Variants in ABCA12 observed in about 807,000 individuals in gnomAD.
ABCA12 encodes glucosylceramide transporter ABCA12.
Under a neutral mutation model 293.5 loss-of-function variants are expected in ABCA12, and 156 were observed. The ratio of observed to expected loss-of-function variants is 0.53; its 90% CI spans 0.47 to 0.61. ABCA12 has a LOEUF of 0.61. Among genes scored for constraint, ABCA12 ranks in the 20% least tolerant of loss-of-function variants. The pLI, the probability that ABCA12 is intolerant of heterozygous loss-of-function variation, is 0.00. For synonymous variants in ABCA12, 1,063 were observed against 1,108.0 expected, an observed-to-expected ratio of 0.96 and a Z score of 0.81; for missense variants, 2,797 against 3,090.2, an observed-to-expected ratio of 0.91 and a Z score of 2.25.
intron 2 of ABCA12, chr2:215,080,654 T>A (rs1438848961): frequency 6.5e-6 from 1 of 152,738 alleles, no homozygotes; most frequent in Non-Finnish European, 1.5e-5. Context: ...GAGAGAAAAA[T>A]CCCTTATTTG....
At chr2:215,029,019 T>A (rs1415963232) in intron 9 of ABCA12, 1 of 152,172 alleles carries the variant, frequency 6.6e-6, no homozygotes. Flanking sequence ...AATGAAACTA[T>A]GAGAATAATT....
At chr2:215,042,281 G>T (rs1188158534) in intron 7 of ABCA12, 6 of 152,188 alleles carry the variant, frequency 3.9e-5, no homozygotes, top group Admixed American at 3.9e-4. Context: ...CTGTCACCCA[G>T]GCCAGAGAGC....
intron 7 of ABCA12, among the ~76,000 whole-genome samples, chr2:215,042,691 G>A (rs150392326): frequency 4.6e-5 from 7 of 152,118 alleles, no homozygotes; most frequent in South Asian, 2.1e-4. Context: ...TTTATTATTT[G>A]TTTATCATGA....
At chr2:215,031,613 T>C (rs1700879308) in intron 9 of ABCA12, among the ~76,000 whole-genome samples, 1 of 152,222 alleles carries the variant, frequency 6.6e-6, no homozygotes, top group Admixed American at 6.5e-5. Flanking sequence ...AGAGATTTTC[T>C]TGTGCAATGC....
At chr2:214,950,690 A>T (rs887120539) in intron 45 of ABCA12, among the ~76,000 whole-genome samples, 189 bp downstream of exon 45, 3 of 151,870 alleles carry the variant, frequency 2.0e-5, no homozygotes, top group African/African-American at 4.8e-5. Flanking sequence ...TTTTCAGTAG[A>T]GACGTGGTTT....
chr2:214,950,895 C>G lies in ABCA12; in HGVS notation c.6836G>C (p.Gly2279Ala), dbSNP rs775106251. The G allele has an allele frequency of 7.8e-5, 126 of 1,613,898 alleles. No individual in the cohort carries two copies. Among genetic ancestry groups the G allele is most frequent in the Non-Finnish European group, 9.9e-5 (117 of 1,179,950 alleles). ...KIIAVNNISI[G>A]IPAGECFGLL... Reference sequence around the variant, plus strand: ...GTTTCTTACCTCTCCAGCAGGTATCCCAATGCTGATGTTGTTTACAGCTAT... The same window carrying G: ...GTTTCTTACCTCTCCAGCAGGTATCGCAATGCTGATGTTGTTTACAGCTAT... The change falls in exon 45 of 53, where the codon GGG becomes GCG. Residue 2279 changes from glycine (G) to alanine (A), a missense_variant. Coordinates refer to ENST00000272895, the MANE Select transcript of ABCA12 (RefSeq NM_173076.3).
Position 215,091,287 on chromosome 2 carries a change from A to T in ABCA12, c.163+20310T>A, listed in dbSNP as rs531933753. 3.3e-5 allele frequency among the ~76,000 whole-genome samples: 5 copies of T among 151,754 alleles called. No individual in the cohort carries two copies. The East Asian group carries it at 9.7e-4, about 29-fold the overall frequency. ...ATTCTTCCACAGCCTCTGCTCCCCAACCCTATAATCCTTCTATCACCTCCC... is the reference window on the plus strand; with the variant it reads ...ATTCTTCCACAGCCTCTGCTCCCCATCCCTATAATCCTTCTATCACCTCCC... On this transcript the variant is annotated intron_variant, in intron 2 of 52. Coordinates refer to ENST00000272895, the MANE Select transcript of ABCA12 (RefSeq NM_173076.3).
At chr2:215,128,055 G>A (rs1031895755) in intron 1 of ABCA12, among the ~76,000 whole-genome samples, 4 of 152,054 alleles carry the variant, frequency 2.6e-5, no homozygotes, top group African/African-American at 7.2e-5. Flanking sequence ...CATATATGAC[G>A]CTTTGTTTTG....
intron 40 of ABCA12, 70 bp from the exon 41 acceptor site, chr2:214,958,524 A>G (rs945638448): frequency 1.3e-6 from 2 of 1,522,852 alleles, no homozygotes; most frequent in East Asian, 2.4e-5. Context: ...AGAAAGATTC[A>G]TAACTAAAAC....
intron 51 of ABCA12, among the ~76,000 whole-genome samples, chr2:214,935,304 G>A (rs758309103): frequency 1.3e-5 from 2 of 152,102 alleles, no homozygotes; most frequent in African/African-American, 4.8e-5. Context: ...CACTGCATTT[G>A]CCTTGTATAG....
At chr2:214,974,110 T>C in intron 35 of ABCA12, 68 bp from the exon 36 acceptor site, 1 of 1,356,000 alleles carries the variant, frequency 7.4e-7, no homozygotes, top group South Asian at 1.2e-5. Flanking sequence ...CATATGAGCA[T>C]GTAAACAAGT....
intron 10 of ABCA12, among the ~76,000 whole-genome samples, chr2:215,026,252 T>C (rs1700742248): frequency 6.6e-6 from 1 of 152,182 alleles, no homozygotes; most frequent in Non-Finnish European, 1.5e-5. Context: ...AGAATGTGTG[T>C]GTCCTAGAAA....
intron 2 of ABCA12, among the ~76,000 whole-genome samples, chr2:215,076,871 T>TA (rs1701845201): frequency 1.3e-5 from 2 of 152,202 alleles, no homozygotes; most frequent in Admixed American, 1.3e-4. Context: ...AAAAGCTTAA[T>TA]ACAAAAGGAT....
At position 215,095,178 on chromosome 2, in the gene ABCA12, A is replaced by C. The variant is rs1293999208; in HGVS notation, c.163+16419T>G. 2.0e-5 allele frequency among the ~76,000 whole-genome samples: 3 copies of C among 152,192 alleles called. No homozygotes were observed. The South Asian group carries it at 6.2e-4, about 32-fold the overall frequency. On this transcript the variant is annotated intron_variant, in intron 2 of 52. Transcript: ENST00000272895. Reference sequence around the variant, plus strand: ...AAGGAAGACTCTACATTTTTAAATGAAGAGTGTTGTTTTTACCTAAATCAA... The same window carrying C: ...AAGGAAGACTCTACATTTTTAAATGCAGAGTGTTGTTTTTACCTAAATCAA...
intron 7 of ABCA12, among the ~76,000 whole-genome samples, chr2:215,041,045 T>A (rs1395791355): frequency 6.6e-6 from 1 of 152,102 alleles, no homozygotes; most frequent in African/African-American, 2.4e-5. Context: ...ACAAAAAATT[T>A]GTTAAGCTAG....
At chr2:215,138,052 C>T in intron 1 of ABCA12, 88 bp downstream of exon 1, 1 of 1,323,698 alleles carries the variant, frequency 7.6e-7, no homozygotes, top group African/African-American at 1.4e-5. Flanking sequence ...TTAAACTCTT[C>T]TGTTTTCACT....
At chr2:215,049,959 A>T (rs1392540217) in intron 5 of ABCA12, 148 bp from the exon 6 acceptor site, 1 of 708,762 alleles carries the variant, frequency 1.4e-6, no homozygotes, top group Admixed American at 2.4e-5. Flanking sequence ...AATAAAGTAG[A>T]TAGAGTTTAC....
chr2:215,009,739 A>G (rs1236254673), intron 18 of ABCA12, among the ~76,000 whole-genome samples: 3 of 152,184 alleles, frequency 2.0e-5, no homozygotes, highest in African/African-American at 7.2e-5. Context: ...CTTTTACTTT[A>G]GCTCCGTCAT....
At chr2:214,967,609 G>C (rs564025942) in intron 38 of ABCA12, among the ~76,000 whole-genome samples, 1 of 152,192 alleles carries the variant, frequency 6.6e-6, no homozygotes, top group Non-Finnish European at 1.5e-5. Flanking sequence ...AATATTTACT[G>C]TGTGTGTGGA....
Sources: allele counts gnomAD v4.1 joint callset (sites outside exome capture counted in the v4.1 genomes callset), GRCh38; gene constraint gnomAD v4.1.1; transcripts MANE v1.5; gene names NCBI Gene and HGNC (gene_info 2026-07-23, HGNC 2026-07-21).